The following HEG1 variants were observed in gnomAD, a reference collection of about 807,000 sequenced individuals.
HEG1 encodes heart development protein with EGF like domains 1, also known as protein HEG homolog 1.
A neutral mutation model predicts 125.6 loss-of-function variants in HEG1; 56 were observed. The ratio of observed to expected loss-of-function variants is 0.45; its 90% CI spans 0.36 to 0.56. The LOEUF (loss-of-function observed/expected upper bound fraction) is 0.56, where lower values mean the gene tolerates loss of function less well. HEG1 is among the 20% of genes least tolerant of loss of function. HEG1 has a pLI of 0.00. For missense variants in HEG1, 1,523 were observed against 1,670.0 expected (o/e 0.91, Z 1.53); for synonymous variants, 644 against 668.5 (o/e 0.96, Z 0.57).
At chr3:125,045,201 A>C (rs1937644274) in intron 1 of HEG1, among the ~76,000 whole-genome samples, 1 of 152,218 alleles carries the variant, frequency 6.6e-6, no homozygotes, top group Non-Finnish European at 1.5e-5. Flanking sequence ...AGATGGCTGA[A>C]GGCACAGAAC....
chr3:124,990,713 G>A, intron 14 of HEG1, 74 bp downstream of exon 14: 3 of 1,380,492 alleles, frequency 2.2e-6, no homozygotes, highest in Non-Finnish European at 3.0e-6. Flanking sequence ...GAAGTGGGAG[G>A]AGACTGACAC....
chr3:125,030,847 A>G (rs1360605672), intron 1 of HEG1, among the ~76,000 whole-genome samples: 1 of 152,082 alleles, frequency 6.6e-6, no homozygotes, highest in Non-Finnish European at 1.5e-5. Flanking sequence ...CAGGCCCCTC[A>G]CTCGCCAGCT....
In HEG1 at chr3:125,010,451, C is replaced by T. The variant is rs1350362626; in HGVS notation, c.3061G>A (p.Asp1021Asn). Residue 1021 changes from aspartate to asparagine, a missense_variant, in exon 7 of 17, where the codon GAT becomes AAT. Physicochemically the swap from Asp to Asn is conservative, Grantham distance 23 (BLOSUM62 1). Coordinates refer to ENST00000311127, the MANE Select transcript of HEG1 (RefSeq NM_020733.2). ...CRCPPSWQGD[D>N]CSVDVNECLS... is the part of the protein sequence containing the mutation. ...CTTTTTCTCTTACCCACACTGCAAT[C>T]ATCCCCTTGCCAGGAAGGCGGGCAC... is the stretch of plus-strand genomic sequence containing the variant. The T allele has an allele frequency of 1.3e-6, 2 of 1,553,198 alleles. No individual in the cohort carries two copies. Among genetic ancestry groups the T allele is most frequent in the South Asian group, 2.4e-5 (2 of 84,038 alleles).
chr3:125,007,377 A>G (rs1937088780), intron 8 of HEG1, among the ~76,000 whole-genome samples: 2 of 152,040 alleles, frequency 1.3e-5, no homozygotes, highest in African/African-American at 4.8e-5. Context: ...TTTTAAAGAC[A>G]CTTACACCTT....
rs1937923951 is a variant in HEG1 at position 125,055,742 on chromosome 3, G to C, written c.149C>G (p.Ala50Gly). 1 of 1,024,796 alleles carries C rather than the reference G, an allele frequency of 9.8e-7. No homozygotes were observed. The highest frequency in any genetic ancestry group is 1.2e-6 in the Non-Finnish European group (1 of 857,580). The allele number at this position is 1,024,796 out of a possible 1,614,324, so 63.5% of individuals were successfully genotyped here. Residue 50 changes from alanine (A) to glycine (G), a missense_variant, in exon 1 of 17, where the codon GCG (alanine) becomes GGG (glycine). Transcript: ENST00000311127. ...RALSLAPLAG[A>G]GLELQLERRP... The stretch of plus-strand genomic sequence containing the variant: ...GCGCTCCAGCTGCAGCTCCAGCCCC[G>C]CTCCCGCGAGGGGCGCCAGGCTCAG...
intron 12 of HEG1, 69 bp from the exon 13 acceptor site, chr3:124,991,055 C>A (rs1417117185): frequency 8.3e-7 from 1 of 1,206,948 alleles, no homozygotes; most frequent in East Asian, 2.5e-5. Flanking sequence ...TAATTAAACG[C>A]CAGCCACCCT....
chr3:125,002,702 C>T (rs1189674766), intron 9 of HEG1, among the ~76,000 whole-genome samples: 1 of 152,220 alleles, frequency 6.6e-6, no homozygotes, highest in African/African-American at 2.4e-5. Context: ...CTTTCAGCTA[C>T]TCTAGGTCTG....
intron 14 of HEG1, among the ~76,000 whole-genome samples, chr3:124,987,924 T>TACACACACACACACACACACAC (rs67009322): frequency 0.01 from 707 of 67,346 alleles, 26 homozygotes; most frequent in African/African-American, 0.016. Context: ...TATATATGTG[T>TACACACACACACACACACACAC]ACACACACAC....
intron 8 of HEG1, 95 bp from the exon 9 acceptor site, chr3:125,005,463 A>C (rs1176054891): frequency 1.6e-6 from 1 of 617,444 alleles, no homozygotes; most frequent in East Asian, 3.0e-5. Context: ...GCTTTACTCC[A>C]CCTCACAGGA....
intron 1 of HEG1, among the ~76,000 whole-genome samples, chr3:125,051,610 GTGTT>G (rs1937807897): frequency 6.6e-6 from 1 of 152,214 alleles, no homozygotes; most frequent in East Asian, 1.9e-4. Flanking sequence ...CCACACATAC[GTGTT>G]CAAAGGCCAG....
Position 124,984,851 on chromosome 3 carries a change from A to G in HEG1, c.3733+5936T>C, listed in dbSNP as rs891124279. 2.6e-5 allele frequency among the ~76,000 whole-genome samples: 4 copies of G among 152,330 alleles called. No homozygotes were observed. In the South Asian group the frequency reaches 6.2e-4, roughly 24 times the overall value. On this transcript the variant is annotated intron_variant, in intron 14 of 16. Coordinates refer to ENST00000311127, the MANE Select transcript of HEG1 (RefSeq NM_020733.2). ...GGCTTAGATGACAGGAATATTTTAAAAAGAGACTTTTGAAAGGCAGTAAGA... is the reference window on the plus strand; with the variant it reads ...GGCTTAGATGACAGGAATATTTTAAGAAGAGACTTTTGAAAGGCAGTAAGA...
At chr3:124,977,971 C>T (rs757256535) in intron 14 of HEG1, 25 bp from the exon 15 acceptor site, 6 of 1,513,810 alleles carry the variant, frequency 4.0e-6, no homozygotes, top group Non-Finnish European at 3.6e-6. Flanking sequence ...AACAAAAAAG[C>T]ATATTGGCTG....
intron 1 of HEG1, among the ~76,000 whole-genome samples, chr3:125,038,315 G>A (rs1054400169): frequency 5.3e-5 from 8 of 152,234 alleles, no homozygotes; most frequent in African/African-American, 1.9e-4. Context: ...GACGCACAGC[G>A]TGAGACCTGG....
At chr3:124,997,548 G>A (rs1398555595) in intron 12 of HEG1, 141 bp downstream of exon 12, 8 of 690,428 alleles carry the variant, frequency 1.2e-5, no homozygotes, top group Non-Finnish European at 1.5e-5. Context: ...ATCCTGCCAC[G>A]AGCAAAATAA....
At position 124,970,728 on chromosome 3, in the gene HEG1, C is replaced by A; in HGVS notation, c.4070G>T (p.Arg1357Leu). Residue 1357 changes from arginine (R) to leucine (L), a missense_variant, in exon 17 of 17, where the codon CGG becomes CTG. Coordinates refer to ENST00000311127, the MANE Select transcript of HEG1 (RefSeq NM_020733.2). ...YPAYTGLPGS[R>L]HSCIFPGQYN... ...CTGTCCGGGGAAAATGCAAGAATGCCGTGATCCTGGCAGTCCAGTGTAGGC... is the reference window on the plus strand; with the variant it reads ...CTGTCCGGGGAAAATGCAAGAATGCAGTGATCCTGGCAGTCCAGTGTAGGC... The A allele has an allele frequency of 6.2e-7, 1 of 1,609,888 alleles. No homozygotes were observed. The highest frequency in any genetic ancestry group is 8.5e-7 in the Non-Finnish European group (1 of 1,178,156).
At chr3:125,020,641 T>C (rs1371581778) in intron 4 of HEG1, 151 bp downstream of exon 4, 5 of 634,190 alleles carry the variant, frequency 7.9e-6, no homozygotes, top group South Asian at 4.1e-5. Flanking sequence ...AACTTCACAA[T>C]GTTCTCATAA....
intron 1 of HEG1, among the ~76,000 whole-genome samples, chr3:125,034,945 G>C (rs1283924800): frequency 6.6e-6 from 1 of 152,166 alleles, no homozygotes; most frequent in African/African-American, 2.4e-5. Flanking sequence ...GGAGAAAACA[G>C]AGAAAGTAGA....
intron 1 of HEG1, among the ~76,000 whole-genome samples, chr3:125,035,129 A>AT (rs956674946): frequency 2.2e-4 from 34 of 151,770 alleles, no homozygotes; most frequent in African/African-American, 6.8e-4. Context: ...CACCTGGTTA[A>AT]TTTTTTTTGT....
chr3:124,997,605 A>T, intron 12 of HEG1, 84 bp downstream of exon 12: 1 of 1,370,660 alleles, frequency 7.3e-7, no homozygotes, highest in Non-Finnish European at 9.7e-7. Context: ...CTAAGCAAAG[A>T]CAGAGAGAGA....
Sources: gnomAD v4.1 joint callset for allele counts (sites outside exome capture counted in the v4.1 genomes callset) on GRCh38, gnomAD v4.1.1 for gene constraint, MANE v1.5 for transcripts, NCBI Gene and HGNC (gene_info 2026-07-23, HGNC 2026-07-21) for gene names.